Variants in TENM3 observed in about 807,000 individuals in gnomAD.
TENM3 encodes teneurin-3.
TENM3 carries 63 observed loss-of-function variants against 255.1 expected under a neutral mutation model. The ratio of observed to expected loss-of-function variants is 0.25; its 90% CI spans 0.20 to 0.30. TENM3 has a LOEUF of 0.30. Among genes scored for constraint, TENM3 ranks in the 10% least tolerant of loss-of-function variants. TENM3 has a pLI of 1.00. For synonymous variants in TENM3, 1,306 were observed against 1,322.3 expected (o/e 0.99, Z 0.27); for missense variants, 2,929 against 3,461.1 (o/e 0.85, Z 3.86).
the TENM3 span, among the ~76,000 whole-genome samples, chr4:181,667,544 T>C: frequency 2.6e-5 from 4 of 152,166 alleles, no homozygotes; most frequent in African/African-American, 9.7e-5. Flanking sequence ...TGCTGTGATC[T>C]CAGGAGTGAG....
chr4:182,731,205 C>A, intron 16 of TENM3, 66 bp downstream of exon 16: 1 of 1,541,160 alleles, frequency 6.5e-7, no homozygotes, highest in South Asian at 1.2e-5. Context: ...GCCAGAGAAT[C>A]TTAAAAATAG....
At chr4:181,491,819 C>T in the TENM3 span, among the ~76,000 whole-genome samples, 1 of 152,084 alleles carries the variant, frequency 6.6e-6, no homozygotes, top group Non-Finnish European at 1.5e-5. Flanking sequence ...AGTAATTTAT[C>T]TACTTATGTA....
intron 3 of TENM3, among the ~76,000 whole-genome samples, chr4:182,448,623 A>G (rs1373695845): frequency 6.6e-6 from 1 of 152,002 alleles, no homozygotes; most frequent in African/African-American, 2.4e-5. Context: ...CCGCCGGCGA[A>G]GCCCCGCCGA....
intron 4 of TENM3, among the ~76,000 whole-genome samples, chr4:182,607,461 A>G (rs1748543540): frequency 6.6e-6 from 1 of 152,236 alleles, no homozygotes; most frequent in Non-Finnish European, 1.5e-5. Flanking sequence ...TCTTCAAATA[A>G]TAATGAAAGG....
intron 3 of TENM3, among the ~76,000 whole-genome samples, chr4:182,358,670 A>C (rs1425687643): frequency 6.7e-6 from 1 of 150,186 alleles, no homozygotes; most frequent in African/African-American, 2.5e-5. Flanking sequence ...GCAAACAGGG[A>C]CAATTTGACT....
At chr4:181,532,363 G>A in the TENM3 span, among the ~76,000 whole-genome samples, 3 of 152,108 alleles carry the variant, frequency 2.0e-5, no homozygotes, top group Middle Eastern at 6.3e-3. Flanking sequence ...CAGTAGTTGG[G>A]TGCGGGAGGT....
the TENM3 span, among the ~76,000 whole-genome samples, chr4:182,113,700 G>A: frequency 0.025 from 3,764 of 152,184 alleles, 143 homozygotes; most frequent in African/African-American, 0.086. Context: ...GAGAAGTGTG[G>A]GGGAGAGGAA....
intron 1 of TENM3, among the ~76,000 whole-genome samples, chr4:182,248,093 T>C (rs1579885248): frequency 6.6e-6 from 1 of 152,364 alleles, no homozygotes; most frequent in Admixed American, 6.5e-5. Flanking sequence ...TTTAGGCTTT[T>C]AAGCAAGCAT....
the TENM3 span, among the ~76,000 whole-genome samples, chr4:181,931,229 C>T: frequency 7.7e-4 from 118 of 152,326 alleles, no homozygotes; most frequent in Non-Finnish European, 1.6e-3. Flanking sequence ...CAAATTCTTT[C>T]TGTTTGCAGA....
chr4:182,680,787 C>T (rs1388145545), intron 10 of TENM3, 50 bp downstream of exon 10: 1 of 1,351,882 alleles, frequency 7.4e-7, no homozygotes, highest in East Asian at 2.6e-5. Flanking sequence ...CATAAAGAAA[C>T]AGATTGTATC....
chr4:181,683,989 A>T, the TENM3 span, among the ~76,000 whole-genome samples: 4 of 152,166 alleles, frequency 2.6e-5, no homozygotes, highest in Non-Finnish European at 5.9e-5. Context: ...TTAACCTAAT[A>T]CCCACCACGG....
At chr4:182,523,187 GTT>G (rs1580822946) in intron 3 of TENM3, among the ~76,000 whole-genome samples, 1 of 135,740 alleles carries the variant, frequency 7.4e-6, no homozygotes, top group East Asian at 2.4e-4. Context: ...GTGTGGTTTT[GTT>G]GTTGTTGTTG....
chr4:182,387,650 G>C (rs1324956635), intron 3 of TENM3, among the ~76,000 whole-genome samples: 1 of 151,850 alleles, frequency 6.6e-6, no homozygotes, highest in Non-Finnish European at 1.5e-5. Flanking sequence ...GGGAGTCCAC[G>C]AGCCCACCGG....
chr4:182,706,204 G>T (rs116392180), intron 12 of TENM3, among the ~76,000 whole-genome samples: 390 of 152,208 alleles, frequency 2.6e-3, no homozygotes, highest in African/African-American at 9.0e-3. Context: ...TTTAGAATAT[G>T]GATTTTGGTG....
intron 3 of TENM3, among the ~76,000 whole-genome samples, chr4:182,483,865 C>A (rs1328568753): frequency 6.6e-6 from 1 of 151,986 alleles, no homozygotes; most frequent in Non-Finnish European, 1.5e-5. Flanking sequence ...AGAAGTGCTA[C>A]CCATTCTTAA....
At position 182,628,654 on chromosome 4, in the gene TENM3, T is replaced by A. The variant is rs1349960722; in HGVS notation, c.753T>A (p.His251Gln). ...LGSNVPLESR[H>Q]FLFKTGTGTT... is the part of the protein sequence containing the mutation. Reference sequence around the variant, plus strand: ...ATGATATTCTCCTTTTCCACAGGCATTTCCTATTCAAAACAGGAACAGGTA... The same window carrying A: ...ATGATATTCTCCTTTTCCACAGGCAATTCCTATTCAAAACAGGAACAGGTA... The change falls in exon 5 of 28, where the codon CAT becomes CAA. Residue 251 changes from histidine to glutamine, a missense_variant. Physicochemically the swap from His to Gln is conservative, Grantham distance 24. This residue lies in a region of TENM3 where 1,608 missense variants were observed against 1,884.4 expected (regional missense o/e 0.85). Coordinates refer to ENST00000511685, the MANE Select transcript of TENM3 (RefSeq NM_001080477.4). 1 of 1,566,488 alleles carries A rather than the reference T, an allele frequency of 6.4e-7. No homozygotes were observed.
At chr4:182,618,431 TA>T (rs1749749659) in intron 4 of TENM3, among the ~76,000 whole-genome samples, 1 of 152,128 alleles carries the variant, frequency 6.6e-6, no homozygotes, top group African/African-American at 2.4e-5. Context: ...TAGCATCTTC[TA>T]AAATGAACTT....
the TENM3 span, among the ~76,000 whole-genome samples, chr4:181,467,078 TGTGTGC>T: frequency 0.2 from 6,540 of 33,058 alleles, 409 homozygotes; most frequent in Non-Finnish European, 0.25. Context: ...TGTGTGTGTG[TGTGTGC>T]GTGTGTGTGT....
At chr4:182,436,056 G>C (rs997820074) in intron 3 of TENM3, among the ~76,000 whole-genome samples, 2 of 151,782 alleles carry the variant, frequency 1.3e-5, no homozygotes, top group African/African-American at 4.8e-5. Flanking sequence ...ACATTAACCA[G>C]AGGGGGCTGG....
Sources: gnomAD v4.1 joint callset for allele counts (sites outside exome capture counted in the v4.1 genomes callset) on GRCh38, gnomAD v4.1.1 for gene constraint, gnomAD v4.1.1 regional missense constraint, MANE v1.5 for transcripts, NCBI Gene and HGNC (gene_info 2026-07-23, HGNC 2026-07-21) for gene names.